Variants in ARHGEF10L observed in about 807,000 individuals in gnomAD.
ARHGEF10L encodes the protein Rho guanine nucleotide exchange factor 10 like.
ARHGEF10L carries 69 observed loss-of-function variants against 141.2 expected under a neutral mutation model. The ratio of observed to expected loss-of-function variants is 0.49; its 90% CI spans 0.40 to 0.60. The LOEUF is 0.60. Ranked by LOEUF, ARHGEF10L falls within the 20% of genes least tolerant of loss-of-function variation. The probability of loss-of-function intolerance (pLI) is 0.00; values close to 1 mark genes in which losing one functional copy is unlikely to be tolerated. For synonymous variants in ARHGEF10L, 711 were observed against 718.5 expected (o/e 0.99, Z 0.17); for missense variants, 1,482 against 1,734.3 (o/e 0.85, Z 2.58).
At chr1:17,546,547 T>C (rs973653882) in intron 1 of ARHGEF10L, among the ~76,000 whole-genome samples, 29 of 152,316 alleles carry the variant, frequency 1.9e-4, no homozygotes, top group African/African-American at 5.3e-4. Context: ...GTGGCAGGAT[T>C]TGAACCCGGC....
chr1:17,528,224 T>C, the ARHGEF10L span, among the ~76,000 whole-genome samples: 1 of 152,090 alleles, frequency 6.6e-6, no homozygotes, highest in African/African-American at 2.4e-5. Context: ...TTTCTTTATT[T>C]GTTTATTTAT....
At chr1:17,528,976 A>T in the ARHGEF10L span, among the ~76,000 whole-genome samples, 2 of 152,020 alleles carry the variant, frequency 1.3e-5, no homozygotes, top group Admixed American at 6.6e-5. Flanking sequence ...GAGGATGGTG[A>T]TATAGATGAT....
chr1:17,600,570 G>A (rs1183619263), intron 4 of ARHGEF10L, among the ~76,000 whole-genome samples: 2 of 152,268 alleles, frequency 1.3e-5, no homozygotes, highest in Non-Finnish European at 1.5e-5. Flanking sequence ...TGAGACCTAC[G>A]TTGGCACATT....
At chr1:17,593,300 A>C (rs975991109) in intron 4 of ARHGEF10L, among the ~76,000 whole-genome samples, 1 of 152,154 alleles carries the variant, frequency 6.6e-6, no homozygotes, top group African/African-American at 2.4e-5. Flanking sequence ...TTTGATTCTC[A>C]CAACTGTGGG....
At chr1:17,671,773 T>C (rs2063337817) in intron 26 of ARHGEF10L, among the ~76,000 whole-genome samples, 1 of 152,178 alleles carries the variant, frequency 6.6e-6, no homozygotes, top group South Asian at 2.1e-4. Flanking sequence ...CTGGGGCCGG[T>C]TATGGGATTA....
chr1:17,561,245 G>A (rs771798383), intron 1 of ARHGEF10L, among the ~76,000 whole-genome samples: 4 of 152,194 alleles, frequency 2.6e-5, no homozygotes, highest in Non-Finnish European at 5.9e-5. Context: ...AGGCGATTGA[G>A]GGCTGCTTCC....
intron 26 of ARHGEF10L, among the ~76,000 whole-genome samples, chr1:17,666,603 G>A (rs2062990199): frequency 6.6e-6 from 1 of 152,106 alleles, no homozygotes; most frequent in Non-Finnish European, 1.5e-5. Flanking sequence ...CAACAGGAGG[G>A]AAACTCCTGC....
chr1:17,680,422 ACT>A (rs1457952593), intron 26 of ARHGEF10L, among the ~76,000 whole-genome samples: 2 of 152,154 alleles, frequency 1.3e-5, no homozygotes, highest in African/African-American at 2.4e-5. Context: ...ATATTGTAGG[ACT>A]GGAGGTTGGG....
At chr1:17,561,045 C>G (rs562001141) in intron 1 of ARHGEF10L, among the ~76,000 whole-genome samples, 203 of 152,328 alleles carry the variant, frequency 1.3e-3, no homozygotes, top group Non-Finnish European at 2.1e-3. Context: ...GTGCCTTTGC[C>G]TTGCTCAGCC....
chr1:17,592,342 C>T (rs185785331), intron 4 of ARHGEF10L, among the ~76,000 whole-genome samples: 21 of 152,254 alleles, frequency 1.4e-4, no homozygotes, highest in Admixed American at 3.3e-4. Context: ...TGGCCCTGGT[C>T]GCAGGGATTC....
At chr1:17,523,392 C>A in the ARHGEF10L span, among the ~76,000 whole-genome samples, 7 of 152,184 alleles carry the variant, frequency 4.6e-5, no homozygotes, top group Admixed American at 4.6e-4. Flanking sequence ...CCCGGCCCAC[C>A]ATTGCTACAT....
In ARHGEF10L at chr1:17,588,308, C is replaced by T. The variant is rs1047765395; in HGVS notation, c.224-138C>T. 2.9e-5 allele frequency: 20 copies of T among 695,872 alleles called. No individual in the cohort carries two copies. In the East Asian group the frequency reaches 4.5e-4, roughly 16 times the overall value. 43.1% of individuals were successfully genotyped at this position (695,872 alleles called of 1,614,324 possible). A position where few individuals can be genotyped will look rare whatever the true frequency, so the allele number is the denominator to read the frequency against. ...CTGAGCCAGGGCTGGGGGAGGGAGG[C>T]GGGGCTCAGCAGGCACCCAGACTGG... On this transcript the variant is annotated intron_variant, in intron 3 of 28. Transcript: ENST00000361221.
intron 4 of ARHGEF10L, among the ~76,000 whole-genome samples, chr1:17,593,992 G>C (rs2079839273): frequency 6.7e-6 from 1 of 149,798 alleles, no homozygotes; most frequent in Admixed American, 6.7e-5. Flanking sequence ...TCTGCTGACT[G>C]GCCGGTATTC....
intron 21 of ARHGEF10L, among the ~76,000 whole-genome samples, chr1:17,642,265 G>T (rs971750733): frequency 6.6e-6 from 1 of 152,206 alleles, no homozygotes; most frequent in Non-Finnish European, 1.5e-5. Flanking sequence ...CTCAGAAGCT[G>T]CACAAATATC....
At chr1:17,671,688 C>G (rs1014362791) in intron 26 of ARHGEF10L, among the ~76,000 whole-genome samples, 1 of 152,210 alleles carries the variant, frequency 6.6e-6, no homozygotes, top group South Asian at 2.1e-4. Context: ...CCATTAGACC[C>G]GGGCTTCCCA....
intron 21 of ARHGEF10L, among the ~76,000 whole-genome samples, chr1:17,647,062 C>T (rs554600432): frequency 4.6e-5 from 7 of 152,094 alleles, no homozygotes; most frequent in East Asian, 1.9e-4. Flanking sequence ...GCTGACCTGG[C>T]GCCTCCTAGG....
At chr1:17,521,466 G>A in the ARHGEF10L span, among the ~76,000 whole-genome samples, 2 of 152,250 alleles carry the variant, frequency 1.3e-5, no homozygotes, top group Non-Finnish European at 2.9e-5. Context: ...AAAGTGCTGG[G>A]ATTGCAGGCG....
the ARHGEF10L span, among the ~76,000 whole-genome samples, chr1:17,528,564 T>TCCAG: frequency 3.9e-5 from 6 of 151,904 alleles, no homozygotes; most frequent in Non-Finnish European, 8.8e-5. Context: ...CATCCATCCA[T>TCCAG]CCAGCCATCC....
At chr1:17,529,222 T>C in the ARHGEF10L span, among the ~76,000 whole-genome samples, 2 of 152,122 alleles carry the variant, frequency 1.3e-5, no homozygotes, top group Non-Finnish European at 2.9e-5. Flanking sequence ...AGGCTAGTCT[T>C]GAACTCCTGA....
Sources: allele counts gnomAD v4.1 joint callset (sites outside exome capture counted in the v4.1 genomes callset), GRCh38; gene constraint gnomAD v4.1.1; transcripts MANE v1.5; gene names NCBI Gene and HGNC (gene_info 2026-07-23, HGNC 2026-07-21).